The following LRRIQ1 variants were observed in gnomAD, a reference collection of about 807,000 sequenced individuals.
LRRIQ1 encodes leucine-rich repeat- and IQ domain-containing protein 1.
A neutral mutation model predicts 211.9 loss-of-function variants in LRRIQ1; 210 were observed. The ratio of observed to expected loss-of-function variants is 0.99; its 90% CI spans 0.89 to 1.11. The LOEUF (loss-of-function observed/expected upper bound fraction) is 1.11, where lower values mean the gene tolerates loss of function less well. Ranked by LOEUF, LRRIQ1 falls within the 50% of genes most tolerant of loss-of-function variation. The probability of loss-of-function intolerance (pLI) is 0.00; values close to 1 mark genes in which losing one functional copy is unlikely to be tolerated. For missense variants in LRRIQ1, 2,136 were observed against 1,939.5 expected (o/e 1.10, Z -1.90); for synonymous variants, 699 against 650.1 (o/e 1.08, Z -1.14).
At chr12:85,104,131 C>T in intron 14 of LRRIQ1, 54 bp downstream of exon 14, 1 of 935,596 alleles carries the variant, frequency 1.1e-6, no homozygotes, top group Non-Finnish European at 1.5e-6. Flanking sequence ...CTTTCTGTTT[C>T]AAATATGATA....
rs958487291 is a variant in LRRIQ1, at chr12:85,161,482, T to C, written c.4822+768T>C. ...ATTTAACCTATAGTTTGGATAGCAA[T>C]TTTAATAGAAAAATGGAATCATATT... On this transcript the variant is annotated intron_variant, in intron 24 of 26. Transcript: ENST00000393217. Among the ~76,000 whole-genome samples the C allele has an allele frequency of 2.6e-5, 4 of 152,162 alleles. No homozygotes were observed. The South Asian group carries it at 8.3e-4, about 32-fold the overall frequency.
At chr12:85,267,764 T>C (rs1383615553), downstream of LRRIQ1, among the ~76,000 whole-genome samples, 1 of 152,060 alleles carries the variant, frequency 6.6e-6, no homozygotes, top group African/African-American at 2.4e-5. Context: ...ACAATTTTGT[T>C]CTGCTAAGCA....
At chr12:85,049,359 G>T (rs559365831) in intron 6 of LRRIQ1, among the ~76,000 whole-genome samples, 12 of 152,028 alleles carry the variant, frequency 7.9e-5, no homozygotes, top group Non-Finnish European at 1.5e-4. Context: ...CAGCTATTTA[G>T]TATCAACATC....
intron 24 of LRRIQ1, among the ~76,000 whole-genome samples, chr12:85,225,369 A>G (rs1257980117): frequency 1.3e-5 from 2 of 152,184 alleles, no homozygotes; most frequent in African/African-American, 4.8e-5. Flanking sequence ...AAGTCAAAAC[A>G]AAACAAAAAA....
chr12:85,076,497 C>T, intron 11 of LRRIQ1: 1 of 289,076 alleles, frequency 3.5e-6, no homozygotes, highest in Non-Finnish European at 5.2e-6. Context: ...TCATATATTC[C>T]TAAAAATTAT....
rs1888201181 is a variant in LRRIQ1, at chr12:85,124,275, G to A, written c.3763G>A (p.Glu1255Lys). 6.2e-7 allele frequency: 1 copy of A among 1,613,968 alleles called. No homozygotes were observed. The highest frequency in any genetic ancestry group is 1.7e-5 in the Admixed American group (1 of 59,998). The change falls in exon 17 of 27, where the codon GAA (glutamate) becomes AAA (lysine). Residue 1255 changes from glutamate (E) to lysine (K), a missense_variant. Transcript: ENST00000393217. ...QNGVFYSCAREGEPDSPDIPE... is the reference protein window; with the variant it reads ...QNGVFYSCARKGEPDSPDIPE... ...TGGAGTCTTCTACTCTTGTGCACGT[G>A]AAGGTGAGCCAGACTCACCAGATAT...
At chr12:85,097,015 T>A (rs968587321) in intron 11 of LRRIQ1, among the ~76,000 whole-genome samples, 6 of 152,176 alleles carry the variant, frequency 3.9e-5, no homozygotes, top group African/African-American at 1.4e-4. Context: ...ATGATAGACG[T>A]TTCATGAACC....
chr12:85,203,585 A>C (rs1447268535), intron 24 of LRRIQ1, among the ~76,000 whole-genome samples: 1 of 152,150 alleles, frequency 6.6e-6, no homozygotes, highest in Non-Finnish European at 1.5e-5. Flanking sequence ...AGGTGATCTC[A>C]GATGGAGATG....
chr12:85,268,914 C>A (rs1896478489), downstream of LRRIQ1, among the ~76,000 whole-genome samples: 1 of 151,592 alleles, frequency 6.6e-6, no homozygotes, highest in Admixed American at 6.6e-5. Flanking sequence ...AGTTTAGTAT[C>A]CTAAAGGGGA....
chr12:85,077,678 T>TA (rs984954686), intron 11 of LRRIQ1, among the ~76,000 whole-genome samples: 124 of 152,124 alleles, frequency 8.2e-4, no homozygotes, highest in African/African-American at 2.9e-3. Context: ...CATGGTGGCT[T>TA]ACACCTGTAA....
chr12:85,103,123 T>C (rs1023511400), intron 13 of LRRIQ1, among the ~76,000 whole-genome samples: 2 of 150,256 alleles, frequency 1.3e-5, no homozygotes, highest in African/African-American at 4.9e-5. Context: ...CAAATCAAAG[T>C]AGAGTTAATT....
At chr12:85,039,539 G>T (rs1028184159) in intron 2 of LRRIQ1, among the ~76,000 whole-genome samples, 2 of 151,474 alleles carry the variant, frequency 1.3e-5, no homozygotes, top group Non-Finnish European at 3.0e-5. Context: ...ATGCTTTTCT[G>T]TAGTACTAAA....
intron 24 of LRRIQ1, among the ~76,000 whole-genome samples, chr12:85,208,139 G>A (rs372648757): frequency 4.0e-5 from 6 of 151,284 alleles, no homozygotes; most frequent in Admixed American, 2.0e-4. Flanking sequence ...CTGGCTAATC[G>A]ATGCACTGTT....
the LRRIQ1 span, among the ~76,000 whole-genome samples, chr12:85,270,469 C>T: frequency 6.6e-6 from 1 of 152,070 alleles, no homozygotes; most frequent in Non-Finnish European, 1.5e-5. Context: ...GACCTAGCAA[C>T]TTCACAGAAA....
chr12:85,154,953 A>C (rs1337987162), intron 23 of LRRIQ1, among the ~76,000 whole-genome samples: 1 of 151,176 alleles, frequency 6.6e-6, no homozygotes, highest in Admixed American at 6.6e-5. Flanking sequence ...TCATAAAACT[A>C]TTTTTATCTT....
intron 24 of LRRIQ1, among the ~76,000 whole-genome samples, chr12:85,203,958 A>G (rs1426692124): frequency 6.6e-6 from 1 of 152,086 alleles, no homozygotes; most frequent in Non-Finnish European, 1.5e-5. Context: ...TCTCCAGGGC[A>G]TGTCAGAGAT....
intron 15 of LRRIQ1, among the ~76,000 whole-genome samples, chr12:85,109,645 C>T (rs1315043295): frequency 6.6e-6 from 1 of 152,072 alleles, no homozygotes; most frequent in Non-Finnish European, 1.5e-5. Context: ...GGAAACCCAG[C>T]AGAAATGCAG....
intron 11 of LRRIQ1, among the ~76,000 whole-genome samples, chr12:85,074,792 T>C (rs1883462377): frequency 6.6e-6 from 1 of 152,132 alleles, no homozygotes; most frequent in Non-Finnish European, 1.5e-5. Flanking sequence ...CACATGATTG[T>C]TAAAGTTTAT....
At chr12:85,131,454 A>C (rs1888756153) in intron 18 of LRRIQ1, among the ~76,000 whole-genome samples, 1 of 152,166 alleles carries the variant, frequency 6.6e-6, no homozygotes, top group South Asian at 2.1e-4. Context: ...ACTCTGTTAT[A>C]GCACTTACCC....
Sources: allele counts gnomAD v4.1 joint callset (sites outside exome capture counted in the v4.1 genomes callset), GRCh38; gene constraint gnomAD v4.1.1; transcripts MANE v1.5; gene names NCBI Gene and HGNC (gene_info 2026-07-23, HGNC 2026-07-21).